Variants in SOCS7 observed in about 807,000 individuals in gnomAD.
The protein encoded by SOCS7 is NAP-4.
A neutral mutation model predicts 58.9 loss-of-function variants in SOCS7; 18 were observed. That is an observed-to-expected ratio of 0.31 (90% confidence interval 0.21 to 0.45). SOCS7 has a LOEUF of 0.45. SOCS7 is among the 20% of genes least tolerant of loss of function. SOCS7 has a pLI of 1.00. For synonymous variants in SOCS7, 388 were observed against 364.3 expected, an observed-to-expected ratio of 1.06 and a Z score of -0.74; for missense variants, 667 against 837.3, an observed-to-expected ratio of 0.80 and a Z score of 2.51.
intron 1 of SOCS7, among the ~76,000 whole-genome samples, chr17:38,355,549 T>A (rs1353470524): frequency 6.6e-6 from 1 of 152,196 alleles, no homozygotes; most frequent in Non-Finnish European, 1.5e-5. Context: ...GATTTTTAGC[T>A]TGTTCTCTTG....
rs2038363689 is a variant in SOCS7, at chr17:38,404,483, T to G, written c.*5001T>G. On this transcript the variant is annotated 3_prime_UTR_variant, in exon 10 of 10. Transcript: ENST00000612932. ...TCATTCCCATTTCATTTCTAGAGGGTTTAGAGGTGACCTGGAACCGTTCCC... is the reference window on the plus strand; with the variant it reads ...TCATTCCCATTTCATTTCTAGAGGGGTTAGAGGTGACCTGGAACCGTTCCC... The G allele has an allele frequency of 1.3e-5, 2 of 152,048 alleles. No individual in the cohort carries two copies. The allele number at this position is 152,048 out of a possible 1,614,324, so 9.4% of individuals were successfully genotyped here.
chr17:38,393,005 T>G (rs2038191678), intron 7 of SOCS7, among the ~76,000 whole-genome samples: 1 of 151,472 alleles, frequency 6.6e-6, no homozygotes, highest in Admixed American at 6.5e-5. Context: ...TAAGTTATCA[T>G]TATTATTTTT....
intron 1 of SOCS7, among the ~76,000 whole-genome samples, chr17:38,354,605 G>A (rs1190309560): frequency 6.6e-6 from 1 of 152,136 alleles, no homozygotes; most frequent in Non-Finnish European, 1.5e-5. Context: ...ATTCATGCTG[G>A]GAGTTCAGAT....
At chr17:38,383,832 C>A (rs1161202049) in intron 7 of SOCS7, among the ~76,000 whole-genome samples, 1 of 152,190 alleles carries the variant, frequency 6.6e-6, no homozygotes, top group African/African-American at 2.4e-5. Context: ...GGGTGAGCCA[C>A]CGCGCCCAGC....
chr17:38,358,830 A>G (rs1175393252), intron 1 of SOCS7, among the ~76,000 whole-genome samples: 1 of 152,012 alleles, frequency 6.6e-6, no homozygotes, highest in Non-Finnish European at 1.5e-5. Flanking sequence ...GCACTCTCGA[A>G]CAGCTCTCCC....
rs41447146 is a variant in SOCS7, at chr17:38,381,033, T to C, written c.1681+3191T>C. Among the ~76,000 whole-genome samples, 743 of 152,244 alleles carry C rather than the reference T, an allele frequency of 4.9e-3. 7 individuals carry two copies. The highest frequency in any genetic ancestry group is 0.017 in the African/African-American group (704 of 41,522). On this transcript the variant is annotated intron_variant, in intron 7 of 9. Coordinates refer to ENST00000612932, the MANE Select transcript of SOCS7 (RefSeq NM_014598.4). ...GGGCTTGACTACAAATCCTTGACTT[T>C]ATTTCCCACCGGTCTGTTATTGGAA...
At chr17:38,384,890 T>A (rs1441114579) in intron 7 of SOCS7, among the ~76,000 whole-genome samples, 2 of 108,120 alleles carry the variant, frequency 1.8e-5, no homozygotes, top group African/African-American at 3.9e-5. Flanking sequence ...TGCACCCAGC[T>A]CTTTTTTTTT....
At position 38,403,886 on chromosome 17, in the gene SOCS7, G is replaced by C. The variant is rs1026877990; in HGVS notation, c.*4404G>C. The C allele has an allele frequency of 2.0e-5, 3 of 151,870 alleles. No individual in the cohort carries two copies. The East Asian group carries it at 5.8e-4, about 29-fold the overall frequency. The allele number at this position is 151,870 out of a possible 1,614,324, so 9.4% of individuals were successfully genotyped here. On this transcript the variant is annotated 3_prime_UTR_variant, in exon 10 of 10. Transcript: ENST00000612932. ...GAATTTGTGCTATTGCATACATGTA[G>C]CCATCTTTCTTTTCACTGCAGCAGT...
chr17:38,367,717 G>A (rs1485654259), intron 5 of SOCS7, among the ~76,000 whole-genome samples, 165 bp from the exon 6 acceptor site: 1 of 152,206 alleles, frequency 6.6e-6, no homozygotes, highest in East Asian at 1.9e-4. Context: ...AGTATAGTGA[G>A]CCTGATGTTC....
At chr17:38,383,976 GTC>G (rs1483961603) in intron 7 of SOCS7, among the ~76,000 whole-genome samples, 1 of 152,180 alleles carries the variant, frequency 6.6e-6, no homozygotes, top group Middle Eastern at 3.2e-3. Flanking sequence ...TGTGACCAGT[GTC>G]TCTGAGCATC....
At chr17:38,398,979 A>G (rs1386020316) in intron 9 of SOCS7, among the ~76,000 whole-genome samples, 3 of 151,870 alleles carry the variant, frequency 2.0e-5, no homozygotes, top group Non-Finnish European at 2.9e-5. Flanking sequence ...AATCCCAGCT[A>G]CTTGGGAGGC....
At chr17:38,395,776 G>T in intron 8 of SOCS7, 72 bp from the exon 9 acceptor site, 2 of 1,476,738 alleles carry the variant, frequency 1.4e-6, no homozygotes, top group East Asian at 2.3e-5. Flanking sequence ...AAGAAGAGTT[G>T]AACAAAGGAG....
chr17:38,373,885 C>T lies in SOCS7; in HGVS notation c.1553-3829C>T, dbSNP rs529025172. Reference sequence around the variant, plus strand: ...TTTTAAGTGCTGTGGAAGAAGACACCGATAGAACATCATGAATGTCTGGAA... The same window carrying T: ...TTTTAAGTGCTGTGGAAGAAGACACTGATAGAACATCATGAATGTCTGGAA... On this transcript the variant is annotated intron_variant, in intron 6 of 9. Coordinates refer to ENST00000612932, the MANE Select transcript of SOCS7 (RefSeq NM_014598.4). Among the ~76,000 whole-genome samples, 9 of 152,290 alleles carry T rather than the reference C, an allele frequency of 5.9e-5. No individual in the cohort carries two copies. In the South Asian group the frequency reaches 1.5e-3, roughly 25 times the overall value.
chr17:38,384,350 C>T (rs1401703964), intron 7 of SOCS7, among the ~76,000 whole-genome samples: 2 of 152,140 alleles, frequency 1.3e-5, no homozygotes, highest in Admixed American at 1.3e-4. Flanking sequence ...GTCACTCAGG[C>T]TGGAGTACAG....
At chr17:38,361,134 C>CT (rs1555567505) in intron 1 of SOCS7, among the ~76,000 whole-genome samples, 1 of 152,246 alleles carries the variant, frequency 6.6e-6, no homozygotes. Context: ...GGCAGAGCCC[C>CT]TAATCTGAGG....
chr17:38,373,635 G>A (rs1443329758), intron 6 of SOCS7, among the ~76,000 whole-genome samples: 1 of 152,142 alleles, frequency 6.6e-6, no homozygotes, highest in Non-Finnish European at 1.5e-5. Context: ...TTTCATCAGT[G>A]CTTTGTCTCT....
chr17:38,387,856 G>A (rs1415250143), intron 7 of SOCS7, among the ~76,000 whole-genome samples: 4 of 146,120 alleles, frequency 2.7e-5, no homozygotes, highest in East Asian at 2.0e-4. Flanking sequence ...TGCAACCTCC[G>A]ACTCCCGGGT....
At chr17:38,395,001 G>A (rs1480379176) in intron 7 of SOCS7, among the ~76,000 whole-genome samples, 1 of 152,198 alleles carries the variant, frequency 6.6e-6, no homozygotes, top group African/African-American at 2.4e-5. Flanking sequence ...AGTGAGCTGA[G>A]ACTGGGCCAC....
At chr17:38,360,289 C>T (rs906321289) in intron 1 of SOCS7, among the ~76,000 whole-genome samples, 8 of 149,902 alleles carry the variant, frequency 5.3e-5, no homozygotes, top group Non-Finnish European at 8.9e-5. Flanking sequence ...CTTCACCTCC[C>T]GGGCTCAGGA....
Sources: allele counts gnomAD v4.1 joint callset (sites outside exome capture counted in the v4.1 genomes callset), GRCh38; gene constraint gnomAD v4.1.1; transcripts MANE v1.5; gene names NCBI Gene and HGNC (gene_info 2026-07-23, HGNC 2026-07-21).